UPF1: variants seen among roughly 807,000 people sequenced by gnomAD.
UPF1 encodes the protein regulator of nonsense transcripts 1.
In UPF1, 9 loss-of-function variants were observed where a neutral mutation model predicts 129.2. The observed-to-expected ratio is 0.07, with a 90% CI of 0.04 to 0.12. UPF1 has a LOEUF of 0.12. Among genes scored for constraint, UPF1 ranks in the 10% least tolerant of loss-of-function variants. The pLI, the probability that UPF1 is intolerant of heterozygous loss-of-function variation, is 1.00. For synonymous variants in UPF1, 649 were observed against 644.9 expected (o/e 1.01, Z -0.10); for missense variants, 788 against 1,525.3 (o/e 0.52, Z 8.05).
At chr19:18,835,144 G>A (rs776592834) in intron 1 of UPF1, among the ~76,000 whole-genome samples, 3 of 152,100 alleles carry the variant, frequency 2.0e-5, no homozygotes, top group Admixed American at 6.6e-5. Context: ...CCTGCTTTCT[G>A]TCTCAAGATG....
intron 2 of UPF1, among the ~76,000 whole-genome samples, chr19:18,846,324 G>A (rs966241352): frequency 1.3e-5 from 2 of 152,156 alleles, no homozygotes; most frequent in African/African-American, 4.8e-5. Context: ...AGCAACCTCC[G>A]ACACCCTGAA....
At chr19:18,859,024 G>A (rs74182610) in intron 15 of UPF1, among the ~76,000 whole-genome samples, 3,396 of 152,230 alleles carry the variant, frequency 0.022, 56 homozygotes, top group Non-Finnish European at 0.033. Flanking sequence ...CCCACCCCCC[G>A]GGTTGGGCCA....
In UPF1 at chr19:18,850,150, A is replaced by G. The variant is rs751451843; in HGVS notation, c.537A>G (p.Thr179=). The G allele has an allele frequency of 6.2e-7, 1 of 1,614,160 alleles. No individual in the cohort carries two copies. Among genetic ancestry groups the G allele is most frequent in the Non-Finnish European group, 8.5e-7 (1 of 1,179,994 alleles). The change falls in exon 4 of 24, where the codon ACA becomes ACG. Residue 179 remains threonine (T), a synonymous_variant. Transcript: ENST00000262803. This position sits in a 1 kb window ranked among gnomAD's most constrained non-coding sequence, Gnocchi z 7.1. ...ACAAGGACGGGCCCCTGGGGGAGAC[A>G]GTCCTGGAGTGCTACAACTGCGGCT... ...TLHKDGPLGE[T]VLECYNCGCR...
At chr19:18,836,666 A>G (rs1350490294) in intron 1 of UPF1, among the ~76,000 whole-genome samples, 1 of 152,096 alleles carries the variant, frequency 6.6e-6, no homozygotes, top group African/African-American at 2.4e-5. Context: ...AAAATGGCAC[A>G]CTAAACATTT....
intron 8 of UPF1, 50 bp from the exon 9 acceptor site, chr19:18,854,537 CAAGGGTGGCCCAGA>C (rs1391402431): frequency 7.5e-7 from 1 of 1,335,080 alleles, no homozygotes; most frequent in African/African-American, 1.5e-5. Flanking sequence ...GAGCGTGTAC[CAAGGGTGGCCCAGA>C]AAGGTCAGCC....
At chr19:18,843,544 A>G (rs1258101766) in intron 1 of UPF1, among the ~76,000 whole-genome samples, 15 of 134,462 alleles carry the variant, frequency 1.1e-4, no homozygotes, top group Non-Finnish European at 1.4e-4. Context: ...TTTGAGACAG[A>G]GTCTTGCTCT....
rs1451723039 is a variant in UPF1 at position 18,867,179 on chromosome 19, T to C, written c.*662T>C. ...GATTTGAGAAGCTTCCAGAAACAGT[T>C]TAAACAAGCCAGCGCTACTGGAGAA... On this transcript the variant is annotated 3_prime_UTR_variant, in exon 24 of 24. Coordinates refer to ENST00000262803, the MANE Select transcript of UPF1 (RefSeq NM_002911.4). 2 of 152,468 alleles carry C rather than the reference T, an allele frequency of 1.3e-5. No individual in the cohort carries two copies. Among genetic ancestry groups the C allele is most frequent in the Non-Finnish European group, 2.9e-5 (2 of 68,044 alleles). The allele number at this position is 152,468 out of a possible 1,614,324, so 9.4% of individuals were successfully genotyped here.
At chr19:18,846,778 C>T (rs1459712371) in intron 2 of UPF1, among the ~76,000 whole-genome samples, 2 of 152,146 alleles carry the variant, frequency 1.3e-5, no homozygotes, top group African/African-American at 4.8e-5. Flanking sequence ...ATCACGAGGT[C>T]AGGAGATCGA....
rs72080135 is a variant in UPF1 at position 18,843,717 on chromosome 19, T to TTGTGTGTG, written c.232-2235_232-2228dup. The stretch of plus-strand genomic sequence containing the variant: ...TGGGGTTTTGCCATGTTGGCCAGGC[T>TTGTGTGTG]TGTGTGTGTGTGTGTGTGTGTGTGT... On this transcript the variant is annotated intron_variant, in intron 1 of 23. Coordinates refer to ENST00000262803, the MANE Select transcript of UPF1 (RefSeq NM_002911.4). 6.2e-3 allele frequency among the ~76,000 whole-genome samples: 894 copies of TTGTGTGTG among 144,064 alleles called. 8 individuals carry two copies. The highest frequency in any genetic ancestry group is 0.021 in the African/African-American group (806 of 38,870). The allele number at this position is 144,064 out of a possible 152,430, so 94.5% of individuals were successfully genotyped here.
intron 1 of UPF1, among the ~76,000 whole-genome samples, chr19:18,837,402 A>C (rs2055494586): frequency 6.6e-6 from 1 of 152,190 alleles, no homozygotes; most frequent in Non-Finnish European, 1.5e-5. Context: ...TGCTGCCTGG[A>C]ACTCTCATGC....
intron 3 of UPF1, 85 bp from the exon 4 acceptor site, chr19:18,849,990 C>T (rs1248135771): frequency 2.1e-5 from 32 of 1,553,724 alleles, no homozygotes; most frequent in East Asian, 9.0e-5. Flanking sequence ...TGAACGGTAC[C>T]GGAACTTTTA....
chr19:18,862,768 G>C (rs1280666678), intron 18 of UPF1, among the ~76,000 whole-genome samples: 1 of 152,088 alleles, frequency 6.6e-6, no homozygotes, highest in Admixed American at 6.5e-5. Flanking sequence ...GGAGGAGGAG[G>C]TTGTGGTGAG....
intron 1 of UPF1, among the ~76,000 whole-genome samples, chr19:18,836,837 T>A (rs550295328): frequency 7.0e-6 from 1 of 143,634 alleles, no homozygotes; most frequent in Non-Finnish European, 1.5e-5. Context: ...CACTGCAACC[T>A]CCACCTCCTG....
chr19:18,865,426 G>T lies in UPF1; in HGVS notation c.2995G>T (p.Gly999Ter), dbSNP rs1470655610. The T allele has an allele frequency of 6.2e-7, 1 of 1,613,874 alleles. No individual in the cohort carries two copies. Among genetic ancestry groups the T allele is most frequent in the Admixed American group, 1.7e-5 (1 of 60,034 alleles). Residue 999 changes from glycine to a stop codon, truncating the protein, a stop_gained, in exon 21 of 24, where the codon GGA (glycine) becomes TGA (stop). Coordinates refer to ENST00000262803, the MANE Select transcript of UPF1 (RefSeq NM_002911.4). LOFTEE classifies it high-confidence loss of function. The surrounding 1 kb of genome is among the most constrained non-coding windows in gnomAD (Gnocchi z 6.1). ...ACCCATGCCACCGCCTGGCTATTTT[G>T]GACAAGCCAACGGGCCTGCTGCAGG... ...MPPMPPPGYF[G>*]QANGPAAGRG... is the part of the protein sequence containing the mutation.
In UPF1 at chr19:18,844,480, C is replaced by T. The variant is rs532841912; in HGVS notation, c.232-1500C>T. Among the ~76,000 whole-genome samples the T allele has an allele frequency of 3.3e-4, 45 of 137,428 alleles. No homozygotes were observed. The East Asian group carries it at 6.2e-3, about 19-fold the overall frequency. The allele number at this position is 137,428 out of a possible 152,430, so 90.2% of individuals were successfully genotyped here. On this transcript the variant is annotated intron_variant, in intron 1 of 23. Coordinates refer to ENST00000262803, the MANE Select transcript of UPF1 (RefSeq NM_002911.4). ...CTGAGATTACAGGCACGTGCCACCA[C>T]GTCCAGCTAATTTTTTTTTTTTTTG...
rs1205039244 is a variant in UPF1 at position 18,832,106 on chromosome 19, G to T, written c.-104G>T. The stretch of plus-strand genomic sequence containing the variant: ...CGGTTTGGTCCTTTCCGGGCGCGCG[G>T]GGGCGACAGCGGCAGCGACCCGAGG... On this transcript the variant is annotated 5_prime_UTR_variant, in exon 1 of 24. Transcript: ENST00000262803. The surrounding 1 kb of genome is among the most constrained non-coding windows in gnomAD (Gnocchi z 5.6). The T allele has an allele frequency of 4.4e-6, 5 of 1,136,728 alleles. No individual in the cohort carries two copies. Among genetic ancestry groups the T allele is most frequent in the Admixed American group, 8.7e-5 (2 of 23,036 alleles). 70.4% of individuals were successfully genotyped at this position (1,136,728 alleles called of 1,614,324 possible).
chr19:18,853,115 GT>G lies in UPF1; in HGVS notation c.1057+48del. On this transcript the variant is annotated intron_variant, in intron 7 of 23. Coordinates refer to ENST00000262803, the MANE Select transcript of UPF1 (RefSeq NM_002911.4). The surrounding 1 kb of genome is among the most constrained non-coding windows in gnomAD (Gnocchi z 4.4). ...TAATTTGGTTAAGAGGTGATTTTAA[GT>G]TTTAAAATATTTGTGACCATAAGTA... is the stretch of plus-strand genomic sequence containing the variant. 6.2e-7 allele frequency: 1 copy of G among 1,610,718 alleles called. No homozygotes were observed. The highest frequency in any genetic ancestry group is 8.5e-7 in the Non-Finnish European group (1 of 1,177,442).
At chr19:18,860,010 T>G (rs777508538) in intron 15 of UPF1, 218 of 304,478 alleles carry the variant, frequency 7.2e-4, no homozygotes, top group Non-Finnish European at 1.2e-3. Flanking sequence ...CAGGAGAATA[T>G]CCTGTATCCT....
intron 3 of UPF1, 40 bp downstream of exon 3, chr19:18,847,873 G>T: frequency 1.3e-6 from 2 of 1,573,376 alleles, no homozygotes; most frequent in South Asian, 2.2e-5. Flanking sequence ...AATCAGTGCT[G>T]TGCTCAGATT....
Sources: gnomAD v4.1 joint callset for allele counts (sites outside exome capture counted in the v4.1 genomes callset) on GRCh38, gnomAD v4.1.1 for gene constraint, Gnocchi (gnomAD v3.1) non-coding constraint, MANE v1.5 for transcripts, NCBI Gene and HGNC (gene_info 2026-07-23, HGNC 2026-07-21) for gene names.